PACSIN2: variants seen among roughly 807,000 people sequenced by gnomAD.
PACSIN2 encodes protein kinase C and casein kinase substrate in neurons 2, also known as protein kinase C and casein kinase substrate in neurons protein 2.
A neutral mutation model predicts 63.8 loss-of-function variants in PACSIN2; 25 were observed. The observed-to-expected ratio is 0.39, with a 90% CI of 0.29 to 0.55. The LOEUF is 0.55. Ranked by LOEUF, PACSIN2 falls within the 20% of genes least tolerant of loss-of-function variation. The pLI is 0.62. For missense variants in PACSIN2, 518 were observed against 646.9 expected, an observed-to-expected ratio of 0.80 and a Z score of 2.16; for synonymous variants, 255 against 256.2, an observed-to-expected ratio of 1.00 and a Z score of 0.05.
chr22:42,905,631 C>T (rs1601496365), intron 2 of PACSIN2, among the ~76,000 whole-genome samples: 1 of 152,324 alleles, frequency 6.6e-6, no homozygotes, highest in Non-Finnish European at 1.5e-5. Flanking sequence ...TTCCCAGTAT[C>T]GGGAATGGCT....
chr22:42,877,258 C>T (rs1325707943), intron 8 of PACSIN2, among the ~76,000 whole-genome samples: 1 of 152,148 alleles, frequency 6.6e-6, no homozygotes, highest in Admixed American at 6.5e-5. Flanking sequence ...ACAGTCCGTC[C>T]AGAACAGGGG....
At chr22:42,946,162 T>C (rs1281542237) in intron 1 of PACSIN2, among the ~76,000 whole-genome samples, 1 of 152,160 alleles carries the variant, frequency 6.6e-6, no homozygotes, top group Non-Finnish European at 1.5e-5. Flanking sequence ...AAAAGCAAAA[T>C]AATAAGAATC....
At chr22:42,919,772 CAAA>C (rs761464603) in intron 1 of PACSIN2, among the ~76,000 whole-genome samples, 3 of 48,792 alleles carry the variant, frequency 6.1e-5, no homozygotes, top group Non-Finnish European at 9.7e-5. Flanking sequence ...GAACCTGTCT[CAAA>C]AAAAAAAAAA....
chr22:42,875,161 T>C (rs955203796), intron 10 of PACSIN2, among the ~76,000 whole-genome samples: 3 of 151,850 alleles, frequency 2.0e-5, no homozygotes, highest in Admixed American at 6.6e-5. Context: ...ACTTTTTTTT[T>C]TTTTTAAGAG....
intron 1 of PACSIN2, among the ~76,000 whole-genome samples, chr22:43,006,895 A>G (rs1924128514): frequency 6.6e-6 from 1 of 152,204 alleles, no homozygotes; most frequent in Non-Finnish European, 1.5e-5. Flanking sequence ...GGTTAAGAGA[A>G]TGAGTCAAGG....
At chr22:42,954,443 C>T (rs889872752) in intron 1 of PACSIN2, among the ~76,000 whole-genome samples, 9 of 152,078 alleles carry the variant, frequency 5.9e-5, no homozygotes, top group African/African-American at 1.9e-4. Flanking sequence ...GTCATTCAGG[C>T]TGAGTGCAGT....
intron 1 of PACSIN2, chr22:42,993,509 T>C (rs1923191045): frequency 6.6e-6 from 1 of 152,238 alleles, no homozygotes; most frequent in African/African-American, 2.4e-5. Flanking sequence ...CTTTAGAAAC[T>C]ACCAGCTCTT....
intron 1 of PACSIN2, among the ~76,000 whole-genome samples, chr22:42,962,168 C>A (rs1934159229): frequency 7.0e-6 from 1 of 142,614 alleles, no homozygotes; most frequent in South Asian, 2.3e-4. Flanking sequence ...TCCCCCAAGC[C>A]AGGATACCAG....
chr22:42,965,693 A>C (rs749014613), intron 1 of PACSIN2, among the ~76,000 whole-genome samples: 1 of 152,168 alleles, frequency 6.6e-6, no homozygotes, highest in East Asian at 1.9e-4. Context: ...GAGGATCCAA[A>C]TGGTCCACTT....
At chr22:42,886,054 A>C (rs969014788) in intron 5 of PACSIN2, among the ~76,000 whole-genome samples, 1 of 152,140 alleles carries the variant, frequency 6.6e-6, no homozygotes, top group African/African-American at 2.4e-5. Context: ...CCATCTCAGG[A>C]GCCTTCAAGA....
At chr22:42,904,954 A>G (rs73886172) in intron 2 of PACSIN2, among the ~76,000 whole-genome samples, 1,912 of 152,270 alleles carry the variant, frequency 0.013, 38 homozygotes, top group African/African-American at 0.044. Context: ...TCTAATGAGC[A>G]CTACGGACCC....
chr22:42,884,409 G>A lies in PACSIN2; in HGVS notation c.762C>T (p.His254=). ...FREVLLEVQK[H]LDLSNVAGYK... Reference sequence around the variant, plus strand: ...ACCCAGCCACATTGGACAGGTCTAGGTGCTTCTGAACCTCCAGCAGAACCT... The same window carrying A: ...ACCCAGCCACATTGGACAGGTCTAGATGCTTCTGAACCTCCAGCAGAACCT... Residue 254 remains histidine (H), a synonymous_variant, in exon 6 of 11, where the codon CAC becomes CAT. Transcript: ENST00000263246. 6.2e-7 allele frequency: 1 copy of A among 1,614,188 alleles called. No individual in the cohort carries two copies. Among genetic ancestry groups the A allele is most frequent in the African/African-American group, 1.3e-5 (1 of 75,058 alleles).
chr22:42,987,334 T>A (rs1018790341), intron 1 of PACSIN2, among the ~76,000 whole-genome samples: 20 of 151,466 alleles, frequency 1.3e-4, no homozygotes, highest in Non-Finnish European at 2.5e-4. Context: ...CAGATAAAAA[T>A]TTCATCTCCA....
At chr22:42,994,764 C>T (rs1405879305) in intron 1 of PACSIN2, among the ~76,000 whole-genome samples, 4 of 152,214 alleles carry the variant, frequency 2.6e-5, no homozygotes, top group Non-Finnish European at 4.4e-5. Flanking sequence ...TCCCACATGC[C>T]CCACCTACGG....
chr22:42,966,647 G>C (rs899365140), intron 1 of PACSIN2, among the ~76,000 whole-genome samples: 2 of 152,280 alleles, frequency 1.3e-5, no homozygotes, highest in African/African-American at 4.8e-5. Flanking sequence ...TGTGATAGAG[G>C]GAACATGTTA....
chr22:42,876,336 G>A lies in PACSIN2; in HGVS notation c.1152-3C>T. 6.2e-7 allele frequency: 1 copy of A among 1,612,170 alleles called. No individual in the cohort carries two copies. The highest frequency in any genetic ancestry group is 1.3e-5 in the African/African-American group (1 of 75,012). ...GGGTCTTCTCGTAGCTGCTCACACT[G>A]CAAGAAAGGGGAGGCCACAGGGCCC... On this transcript the variant is annotated splice_region_variant and splice_polypyrimidine_tract_variant and intron_variant, in intron 9 of 10. Transcript: ENST00000263246.
intron 2 of PACSIN2, among the ~76,000 whole-genome samples, chr22:42,896,539 G>GT (rs1325739622): frequency 1.3e-5 from 2 of 152,226 alleles, no homozygotes; most frequent in Admixed American, 1.3e-4. Flanking sequence ...CCTGCTGAAG[G>GT]TTGCTTGGGT....
At chr22:42,944,905 C>A (rs1933343667) in intron 1 of PACSIN2, among the ~76,000 whole-genome samples, 1 of 152,072 alleles carries the variant, frequency 6.6e-6, no homozygotes, top group Admixed American at 6.6e-5. Context: ...CAAGACCAGC[C>A]GGGCCAACAC....
Position 42,962,786 on chromosome 22 carries a change from G to GGGGGA in PACSIN2, c.-77-50630_-77-50629insTCCCC, listed in dbSNP as rs1569329765. Among the ~76,000 whole-genome samples the GGGGGA allele has an allele frequency of 2.6e-4, 34 of 131,496 alleles. 1 individual carries two copies. In the East Asian group the frequency reaches 9.0e-3, roughly 35 times the overall value. 86.3% of individuals were successfully genotyped at this position (131,496 alleles called of 152,430 possible). The stretch of plus-strand genomic sequence containing the variant: ...GAGCAAGGTGTGGGCGGGGGGGGGG[G>GGGGGA]GCGGCGCAGAAAAAGAAAACTGACT... On this transcript the variant is annotated intron_variant, in intron 1 of 10. Coordinates refer to ENST00000263246, the MANE Select transcript of PACSIN2 (RefSeq NM_001184970.3).
Sources: gnomAD v4.1 joint callset for allele counts (sites outside exome capture counted in the v4.1 genomes callset) on GRCh38, gnomAD v4.1.1 for gene constraint, MANE v1.5 for transcripts, NCBI Gene and HGNC (gene_info 2026-07-23, HGNC 2026-07-21) for gene names.